NRXN2: variants seen among roughly 807,000 people sequenced by gnomAD.
NRXN2 encodes the protein neurexin-2-beta.
NRXN2 carries 29 observed loss-of-function variants against 128.8 expected under a neutral mutation model. The ratio of observed to expected loss-of-function variants is 0.23; its 90% CI spans 0.17 to 0.31. The LOEUF (loss-of-function observed/expected upper bound fraction) is 0.31. Ranked by LOEUF, NRXN2 falls within the 10% of genes least tolerant of loss-of-function variation. The probability of loss-of-function intolerance (pLI) is 1.00; values close to 1 mark genes in which losing one functional copy is unlikely to be tolerated. For synonymous variants in NRXN2, 1,098 were observed against 1,075.2 expected (o/e 1.02, Z -0.41); for missense variants, 1,881 against 2,452.6 (o/e 0.77, Z 4.92).
chr11:64,647,206 G>GTT (rs397849015), intron 17 of NRXN2, among the ~76,000 whole-genome samples: 2 of 129,862 alleles, frequency 1.5e-5, no homozygotes, highest in African/African-American at 3.5e-5. Context: ...GAGACGCTTC[G>GTT]TTGTGTGTGT....
chr11:64,660,220 C>G lies in NRXN2; in HGVS notation c.2389+112G>C. The G allele has an allele frequency of 8.0e-7, 1 of 1,252,778 alleles. No homozygotes were observed. The highest frequency in any genetic ancestry group is 1.5e-5 in the African/African-American group (1 of 68,142). The allele number at this position is 1,252,778 out of a possible 1,614,324, so 77.6% of individuals were successfully genotyped here. ...GCTGGCGCCTCCCCACCTCCAAACT[C>G]TGCTGAGGGCACCTCTTGCTGGTGC... On this transcript the variant is annotated intron_variant, in intron 11 of 22. Coordinates refer to ENST00000265459, the MANE Select transcript of NRXN2 (RefSeq NM_015080.4). This position sits in a 1 kb window ranked among gnomAD's most constrained non-coding sequence, Gnocchi z 5.2.
chr11:64,678,603 C>G (rs1335312206), intron 6 of NRXN2, among the ~76,000 whole-genome samples: 2 of 152,112 alleles, frequency 1.3e-5, no homozygotes, highest in African/African-American at 4.8e-5. Context: ...TCTAGTGTCC[C>G]CACTCTCATG....
intron 20 of NRXN2, among the ~76,000 whole-genome samples, chr11:64,624,833 T>C (rs1312188666): frequency 6.6e-6 from 1 of 152,224 alleles, no homozygotes; most frequent in East Asian, 1.9e-4. Flanking sequence ...CCAATAAATA[T>C]TTATTGAGCA....
chr11:64,689,157 G>C (rs750446846), intron 5 of NRXN2, among the ~76,000 whole-genome samples: 1 of 151,652 alleles, frequency 6.6e-6, no homozygotes, highest in Admixed American at 6.6e-5. Flanking sequence ...CAACCATAAA[G>C]CATCCCACAA....
intron 17 of NRXN2, among the ~76,000 whole-genome samples, chr11:64,645,318 A>C (rs2046477376): frequency 6.6e-6 from 1 of 151,896 alleles, no homozygotes; most frequent in Non-Finnish European, 1.5e-5. Context: ...CTGGAGAGAG[A>C]TGGGGGGGCC....
chr11:64,656,076 G>T (rs896688316), intron 11 of NRXN2: 1 of 152,216 alleles, frequency 6.6e-6, no homozygotes, highest in Non-Finnish European at 1.5e-5. Flanking sequence ...TGGCTTCCCA[G>T]CCCTGCCTCA....
At chr11:64,661,527 C>T (rs1220728679) in intron 9 of NRXN2, 4 of 512,650 alleles carry the variant, frequency 7.8e-6, no homozygotes, top group African/African-American at 5.9e-5. Context: ...GACTGGGAAC[C>T]GGAAGCAGAG....
chr11:64,649,443 T>C (rs2094020377), intron 15 of NRXN2, among the ~76,000 whole-genome samples: 1 of 152,140 alleles, frequency 6.6e-6, no homozygotes, highest in Non-Finnish European at 1.5e-5. Context: ...CCTAACTCCC[T>C]GGAATCCCTG....
At chr11:64,707,706 G>C (rs1487997848) in intron 2 of NRXN2, among the ~76,000 whole-genome samples, 1 of 152,244 alleles carries the variant, frequency 6.6e-6, no homozygotes, top group Non-Finnish European at 1.5e-5. Context: ...GGGGCAAAGA[G>C]AGTTTAAGTA....
intron 17 of NRXN2, chr11:64,642,412 G>A (rs974198694): frequency 3.0e-6 from 4 of 1,346,838 alleles, no homozygotes; most frequent in Non-Finnish European, 1.9e-6. Context: ...GCTCCGGGAC[G>A]CAAAGCAGAG....
At chr11:64,677,993 T>C (rs543951736) in intron 6 of NRXN2, among the ~76,000 whole-genome samples, 2 of 152,112 alleles carry the variant, frequency 1.3e-5, no homozygotes, top group Admixed American at 6.5e-5. Context: ...AAGGAAGGGG[T>C]TCCCAAGGAG....
chr11:64,623,459 C>G lies in NRXN2; in HGVS notation c.3848-381G>C, dbSNP rs528658397. On this transcript the variant is annotated intron_variant, in intron 20 of 22. Transcript: ENST00000265459. This position sits in a 1 kb window ranked among gnomAD's most constrained non-coding sequence, Gnocchi z 4.9. The stretch of plus-strand genomic sequence containing the variant: ...CTCAGTCCATCCCCATCTTCTCCCT[C>G]TGCTTCCCCAAACATCCTGCCCCAG... 50 of 285,286 alleles carry G rather than the reference C, an allele frequency of 1.8e-4. No individual in the cohort carries two copies. The highest frequency in any genetic ancestry group is 2.4e-3 in the Middle Eastern group (2 of 826). The allele number at this position is 285,286 out of a possible 1,614,324, so 17.7% of individuals were successfully genotyped here. A position where few individuals can be genotyped will look rare whatever the true frequency, so the allele number is the denominator to read the frequency against.
chr11:64,619,251 T>G (rs1234015433), intron 22 of NRXN2, among the ~76,000 whole-genome samples: 3 of 151,556 alleles, frequency 2.0e-5, no homozygotes, highest in Non-Finnish European at 2.9e-5. Context: ...GAAACGTGGG[T>G]GGCCCTCCAC....
chr11:64,633,292 C>G (rs1009559658), intron 18 of NRXN2, among the ~76,000 whole-genome samples: 8 of 152,196 alleles, frequency 5.3e-5, no homozygotes, highest in Non-Finnish European at 7.4e-5. Context: ...GGCCCACAGT[C>G]CTGCCTAGGT....
chr11:64,684,335 C>T (rs546990346), intron 6 of NRXN2, among the ~76,000 whole-genome samples: 48 of 152,090 alleles, frequency 3.2e-4, no homozygotes, highest in Non-Finnish European at 6.8e-4. Context: ...AATGACAACG[C>T]GGGACAGCCC....
rs1440340995 is a variant in NRXN2 at position 64,667,653 on chromosome 11, T to C, written c.1395A>G (p.Leu465=). 4.3e-6 allele frequency: 7 copies of C among 1,614,144 alleles called. No homozygotes were observed. In the East Asian group the frequency reaches 6.7e-5, roughly 15 times the overall value. ...GGTCCCCTTCCTTTGCCAGGCGGGA[T>C]AGTTCCAATTTGAAGTCATTGTTCT... ...VYKNNDFKLE[L]SRLAKEGDPK... Residue 465 remains leucine, a synonymous_variant, in exon 9 of 23, where the codon CTA becomes CTG. Coordinates refer to ENST00000265459, the MANE Select transcript of NRXN2 (RefSeq NM_015080.4). The surrounding 1 kb of genome is among the most constrained non-coding windows in gnomAD (Gnocchi z 5.6).
rs2047389065 is a variant in NRXN2, at chr11:64,651,026, A to G, written c.2918+229T>C. Among the ~76,000 whole-genome samples the G allele has an allele frequency of 6.6e-6, 1 of 152,188 alleles. No homozygotes were observed. The highest frequency in any genetic ancestry group is 1.5e-5 in the Non-Finnish European group (1 of 68,028). ...AGGTGACAGTGGACAGAGAACAGAT[A>G]TAACAGGGAACTCTGGCAAGGAAGC... is the stretch of plus-strand genomic sequence containing the variant. On this transcript the variant is annotated intron_variant, in intron 14 of 22. Transcript: ENST00000265459. This position sits in a 1 kb window ranked among gnomAD's most constrained non-coding sequence, Gnocchi z 5.9.
At chr11:64,617,841 C>T (rs1373061290) in intron 22 of NRXN2, among the ~76,000 whole-genome samples, 2 of 152,186 alleles carry the variant, frequency 1.3e-5, no homozygotes, top group Non-Finnish European at 2.9e-5. Context: ...CATCGTTAAA[C>T]CTTTCACAGT....
At position 64,631,150 on chromosome 11, in the gene NRXN2, C is replaced by A. The variant is rs1403742389; in HGVS notation, c.3586-577G>T. Among the ~76,000 whole-genome samples the A allele has an allele frequency of 6.6e-6, 1 of 152,188 alleles. No individual in the cohort carries two copies. Among genetic ancestry groups the A allele is most frequent in the East Asian group, 1.9e-4 (1 of 5,186 alleles). On this transcript the variant is annotated intron_variant, in intron 18 of 22. Transcript: ENST00000265459. The surrounding 1 kb of genome is among the most constrained non-coding windows in gnomAD (Gnocchi z 4.8). Reference sequence around the variant, plus strand: ...CCTCTCAGGCCCAAAGTAGGTCAGGCTCTGAGTGTGGGGGTGGACCCTCTG... The same window carrying A: ...CCTCTCAGGCCCAAAGTAGGTCAGGATCTGAGTGTGGGGGTGGACCCTCTG...
Sources: gnomAD v4.1 joint callset for allele counts (sites outside exome capture counted in the v4.1 genomes callset) on GRCh38, gnomAD v4.1.1 for gene constraint, Gnocchi (gnomAD v3.1) non-coding constraint, MANE v1.5 for transcripts, NCBI Gene and HGNC (gene_info 2026-07-23, HGNC 2026-07-21) for gene names.